HS3ST4: variants seen among roughly 807,000 people sequenced by gnomAD.
HS3ST4 encodes heparan sulfate glucosamine 3-O-sulfotransferase 4.
HS3ST4 carries 17 observed loss-of-function variants against 29.2 expected under a neutral mutation model. The ratio of observed to expected loss-of-function variants is 0.58; its 90% CI spans 0.40 to 0.87. The LOEUF (loss-of-function observed/expected upper bound fraction) is 0.87, where lower values mean the gene tolerates loss of function less well. HS3ST4 is among the 40% of genes least tolerant of loss of function. The pLI, the probability that HS3ST4 is intolerant of heterozygous loss-of-function variation, is 0.00. For missense variants in HS3ST4, 627 were observed against 634.5 expected (o/e 0.99, Z 0.13); for synonymous variants, 314 against 285.7 (o/e 1.10, Z -1.00).
intron 1 of HS3ST4, among the ~76,000 whole-genome samples, chr16:25,952,826 C>T (rs1281911114): frequency 1.3e-5 from 2 of 152,152 alleles, no homozygotes; most frequent in Non-Finnish European, 2.9e-5. Flanking sequence ...TTTCTGCATG[C>T]AGTAAGCATT....
At chr16:25,862,061 G>A (rs537609877) in intron 1 of HS3ST4, among the ~76,000 whole-genome samples, 7 of 152,124 alleles carry the variant, frequency 4.6e-5, no homozygotes, top group South Asian at 2.1e-4. Flanking sequence ...AAACTGTTCC[G>A]TTCCACCTCA....
At chr16:26,026,891 T>C (rs1474694008) in intron 1 of HS3ST4, among the ~76,000 whole-genome samples, 2 of 152,156 alleles carry the variant, frequency 1.3e-5, no homozygotes, top group Admixed American at 6.5e-5. Context: ...GATGTCCTCA[T>C]GGGACATTTA....
chr16:26,037,530 AACCATAAGCTAGG>A (rs1384430486), intron 1 of HS3ST4, among the ~76,000 whole-genome samples: 1 of 152,198 alleles, frequency 6.6e-6, no homozygotes, highest in Admixed American at 6.5e-5. Flanking sequence ...GGGATTTAAG[AACCATAAGCTAGG>A]AGCCAGCTCT....
Position 25,719,603 on chromosome 16 carries a change from C to A in HS3ST4, c.734+26452C>A, listed in dbSNP as rs145802624. Among the ~76,000 whole-genome samples the A allele has an allele frequency of 3.5e-3, 531 of 152,264 alleles. 7 individuals carry two copies. The highest frequency in any genetic ancestry group is 0.012 in the African/African-American group (514 of 41,548). Reference sequence around the variant, plus strand: ...CCACTGTTACCTGTTGGATTTTGAACTATAGTTTGTTGCAGCATGAACTCA... The same window carrying A: ...CCACTGTTACCTGTTGGATTTTGAAATATAGTTTGTTGCAGCATGAACTCA... On this transcript the variant is annotated intron_variant, in intron 1 of 1. Transcript: ENST00000331351.
intron 1 of HS3ST4, among the ~76,000 whole-genome samples, chr16:25,828,262 T>G (rs543877507): frequency 0.051 from 4,397 of 86,944 alleles, 213 homozygotes; most frequent in African/African-American, 0.092. Flanking sequence ...CTTTCTTTCT[T>G]TCTTTCTTTC....
intron 1 of HS3ST4, among the ~76,000 whole-genome samples, chr16:25,893,154 A>AT (rs1968026649): frequency 6.6e-6 from 1 of 152,056 alleles, no homozygotes; most frequent in African/African-American, 2.4e-5. Flanking sequence ...GGCAGGGATG[A>AT]TTTTGCTGTG....
chr16:25,929,088 A>G (rs1337078223), intron 1 of HS3ST4, among the ~76,000 whole-genome samples: 1 of 152,156 alleles, frequency 6.6e-6, no homozygotes, highest in Non-Finnish European at 1.5e-5. Context: ...AGGTGAAGAA[A>G]CTGAGTCTCA....
At chr16:25,999,531 T>A (rs966249708) in intron 1 of HS3ST4, among the ~76,000 whole-genome samples, 4 of 151,750 alleles carry the variant, frequency 2.6e-5, no homozygotes, top group African/African-American at 4.8e-5. Flanking sequence ...TTCCGTAATC[T>A]AGTAATTTTT....
chr16:25,860,744 G>C (rs1455675096), intron 1 of HS3ST4, among the ~76,000 whole-genome samples: 3 of 152,112 alleles, frequency 2.0e-5, no homozygotes, highest in Non-Finnish European at 4.4e-5. Context: ...GGAGCACAGG[G>C]TATTTTTAGG....
chr16:25,932,447 T>G (rs1248407458), intron 1 of HS3ST4, among the ~76,000 whole-genome samples: 1 of 152,222 alleles, frequency 6.6e-6, no homozygotes, highest in Non-Finnish European at 1.5e-5. Context: ...CCTCCATTTT[T>G]TAGCCTAGGG....
intron 1 of HS3ST4, among the ~76,000 whole-genome samples, chr16:26,123,710 C>A (rs781704690): frequency 2.0e-5 from 3 of 152,118 alleles, no homozygotes; most frequent in Admixed American, 6.5e-5. Context: ...ATTATTCATT[C>A]TTATGGCTTT....
At chr16:26,102,578 G>A (rs4527024) in intron 1 of HS3ST4, among the ~76,000 whole-genome samples, 5 of 151,856 alleles carry the variant, frequency 3.3e-5, no homozygotes, top group Admixed American at 6.6e-5. Context: ...TCTTTATCCC[G>A]TTCAAGATCG....
At chr16:25,761,058 C>A (rs1446817341) in intron 1 of HS3ST4, among the ~76,000 whole-genome samples, 2 of 152,096 alleles carry the variant, frequency 1.3e-5, no homozygotes, top group African/African-American at 4.8e-5. Context: ...TGCATGGAGA[C>A]CGACCTCCCC....
chr16:25,872,034 A>G (rs530495734), intron 1 of HS3ST4, among the ~76,000 whole-genome samples: 15 of 152,278 alleles, frequency 9.9e-5, no homozygotes, highest in African/African-American at 3.4e-4. Flanking sequence ...ACAACCACTT[A>G]GCCATGTAGG....
intron 1 of HS3ST4, among the ~76,000 whole-genome samples, chr16:26,086,629 A>G (rs889315847): frequency 6.6e-6 from 1 of 152,224 alleles, no homozygotes; most frequent in African/African-American, 2.4e-5. Flanking sequence ...GATTACAGGC[A>G]TGAGCCACCA....
chr16:25,914,332 G>A (rs1033757218), intron 1 of HS3ST4, among the ~76,000 whole-genome samples: 10 of 151,028 alleles, frequency 6.6e-5, no homozygotes, highest in African/African-American at 2.4e-4. Flanking sequence ...TATATGTGGT[G>A]TGATGTATGT....
intron 1 of HS3ST4, among the ~76,000 whole-genome samples, chr16:25,818,637 G>C (rs1967118836): frequency 6.6e-6 from 1 of 152,064 alleles, no homozygotes; most frequent in East Asian, 1.9e-4. Context: ...CATGAGATAG[G>C]AAAAAACATT....
intron 1 of HS3ST4, among the ~76,000 whole-genome samples, chr16:26,089,682 T>C (rs144012688): frequency 6.6e-6 from 1 of 152,316 alleles, no homozygotes; most frequent in African/African-American, 2.4e-5. Context: ...GGACCTACCA[T>C]TAGGAAGCTT....
intron 1 of HS3ST4, among the ~76,000 whole-genome samples, chr16:25,795,695 G>C (rs1303797335): frequency 1.3e-5 from 2 of 152,150 alleles, no homozygotes; most frequent in African/African-American, 4.8e-5. Context: ...TTGCCCTCCT[G>C]TGTGGGTTCG....
Sources: gnomAD v4.1 joint callset for allele counts (sites outside exome capture counted in the v4.1 genomes callset) on GRCh38, gnomAD v4.1.1 for gene constraint, MANE v1.5 for transcripts, NCBI Gene and HGNC (gene_info 2026-07-23, HGNC 2026-07-21) for gene names.